Variants in NKAIN3 observed in about 807,000 individuals in gnomAD.
NKAIN3 encodes sodium/potassium transporting ATPase interacting 3, also known as sodium/potassium-transporting ATPase subunit beta-1-interacting protein 3.
In NKAIN3, 25 loss-of-function variants were observed where a neutral mutation model predicts 30.2. The observed-to-expected ratio is 0.83, with a 90% confidence interval of 0.60 to 1.16. The LOEUF is 1.16. Ranked by LOEUF, NKAIN3 falls within the 50% of genes most tolerant of loss-of-function variation. The pLI is 0.00. For synonymous variants in NKAIN3, 91 were observed against 89.6 expected (o/e 1.02, Z -0.09); for missense variants, 225 against 254.1 (o/e 0.89, Z 0.78).
chr8:62,490,233 T>C (rs553344645), intron 1 of NKAIN3, among the ~76,000 whole-genome samples: 18 of 151,002 alleles, frequency 1.2e-4, no homozygotes, highest in South Asian at 4.2e-4. Flanking sequence ...ATTCAATCAG[T>C]TGGAGGGCTG....
Position 62,742,302 on chromosome 8 carries a change from T to C in NKAIN3, c.274-4630T>C, listed in dbSNP as rs1673798781. Among the ~76,000 whole-genome samples the C allele has an allele frequency of 2.6e-5, 4 of 152,208 alleles. No individual in the cohort carries two copies. In the South Asian group the frequency reaches 6.2e-4, roughly 24 times the overall value. On this transcript the variant is annotated intron_variant, in intron 3 of 6. Transcript: ENST00000623646. ...AAAAACTAGTTAGTAAAGTTCATTA[T>C]GTAGATTTCTCTGATGCCCTCTCCA...
chr8:62,679,464 T>C (rs1813583878), intron 3 of NKAIN3, among the ~76,000 whole-genome samples: 1 of 152,176 alleles, frequency 6.6e-6, no homozygotes, highest in Non-Finnish European at 1.5e-5. Flanking sequence ...CATGTTGCCT[T>C]GAATGGTGTA....
intron 3 of NKAIN3, among the ~76,000 whole-genome samples, chr8:62,592,787 A>G (rs1319837193): frequency 1.3e-5 from 2 of 151,992 alleles, no homozygotes; most frequent in Non-Finnish European, 2.9e-5. Flanking sequence ...TAATCAGAAG[A>G]AAACCTCTGT....
chr8:62,772,805 C>T (rs1053624711), intron 4 of NKAIN3, among the ~76,000 whole-genome samples: 10 of 151,792 alleles, frequency 6.6e-5, no homozygotes, highest in African/African-American at 1.5e-4. Context: ...GGACTACAAA[C>T]GCACGCTGCC....
chr8:62,770,526 G>A (rs760147084), intron 4 of NKAIN3, among the ~76,000 whole-genome samples: 25 of 152,128 alleles, frequency 1.6e-4, no homozygotes, highest in Non-Finnish European at 3.2e-4. Context: ...ATCATCACAT[G>A]GTAGAGACAG....
At chr8:62,488,949 C>A (rs1434257236) in intron 1 of NKAIN3, among the ~76,000 whole-genome samples, 3 of 152,148 alleles carry the variant, frequency 2.0e-5, no homozygotes, top group Admixed American at 6.5e-5. Context: ...TTTATATATT[C>A]TAGCAAAATG....
chr8:62,656,932 A>G (rs1387796041), intron 3 of NKAIN3, among the ~76,000 whole-genome samples: 1 of 152,192 alleles, frequency 6.6e-6, no homozygotes, highest in African/African-American at 2.4e-5. Flanking sequence ...GATTTAAAAA[A>G]CATCTATCAT....
At chr8:62,672,129 CCAA>C (rs1301434680) in intron 3 of NKAIN3, among the ~76,000 whole-genome samples, 4 of 152,170 alleles carry the variant, frequency 2.6e-5, no homozygotes, top group Admixed American at 1.3e-4. Context: ...GCTCAGGCAA[CCAA>C]CAAGTGTCCA....
intron 1 of NKAIN3, among the ~76,000 whole-genome samples, chr8:62,502,472 T>C (rs1762332784): frequency 6.6e-6 from 1 of 152,096 alleles, no homozygotes; most frequent in African/African-American, 2.4e-5. Context: ...AGTTAACCAT[T>C]CATTCCTTCC....
intron 1 of NKAIN3, among the ~76,000 whole-genome samples, chr8:62,564,135 C>A (rs534914624): frequency 6.6e-6 from 1 of 152,218 alleles, no homozygotes; most frequent in Admixed American, 6.6e-5. Flanking sequence ...CCAACAAGTT[C>A]TCTTGGTCAG....
At chr8:62,257,667 A>G (rs1412991403) in intron 1 of NKAIN3, among the ~76,000 whole-genome samples, 4 of 152,224 alleles carry the variant, frequency 2.6e-5, no homozygotes, top group Admixed American at 2.6e-4. Context: ...TTTCTATTTC[A>G]TGAACAACAC....
chr8:62,253,657 G>A (rs1191956818), intron 1 of NKAIN3, among the ~76,000 whole-genome samples: 5 of 152,270 alleles, frequency 3.3e-5, no homozygotes, highest in African/African-American at 9.6e-5. Context: ...CAGTGGAAAC[G>A]AAGTTTAGTT....
intron 1 of NKAIN3, among the ~76,000 whole-genome samples, chr8:62,463,486 CA>C (rs1806060256): frequency 1.3e-5 from 2 of 152,176 alleles, no homozygotes; most frequent in Admixed American, 1.3e-4. Context: ...AATTTGTTAT[CA>C]AAACTCATGC....
At position 62,967,622 on chromosome 8, in the gene NKAIN3, A is replaced by C. The variant is rs950338537; in HGVS notation, c.*2215A>C. On this transcript the variant is annotated 3_prime_UTR_variant, in exon 7 of 7. Transcript: ENST00000623646. Reference sequence around the variant, plus strand: ...TTTGAAATAAACTAAAAAATGCTTTAATTTAAAAATAACATTAATATTCAA... The same window carrying C: ...TTTGAAATAAACTAAAAAATGCTTTCATTTAAAAATAACATTAATATTCAA... Among the ~76,000 whole-genome samples, 1 of 152,212 alleles carries C rather than the reference A, an allele frequency of 6.6e-6. No individual in the cohort carries two copies. The highest frequency in any genetic ancestry group is 1.5e-5 in the Non-Finnish European group (1 of 68,040).
chr8:62,634,666 C>T (rs974186151), intron 3 of NKAIN3, among the ~76,000 whole-genome samples: 1 of 152,148 alleles, frequency 6.6e-6, no homozygotes, highest in Non-Finnish European at 1.5e-5. Context: ...TCTGCAGGGA[C>T]AGCTAGGAGA....
intron 1 of NKAIN3, among the ~76,000 whole-genome samples, chr8:62,458,344 T>A (rs1226854190): frequency 1.3e-5 from 2 of 152,214 alleles, no homozygotes; most frequent in Non-Finnish European, 2.9e-5. Context: ...GCTAAGTATA[T>A]AATGTTTACA....
chr8:62,626,078 G>A (rs2130247903), intron 3 of NKAIN3, among the ~76,000 whole-genome samples: 1 of 152,126 alleles, frequency 6.6e-6, no homozygotes, highest in African/African-American at 2.4e-5. Context: ...GAGTTCTCTT[G>A]CCTCTGAGAC....
intron 1 of NKAIN3, among the ~76,000 whole-genome samples, chr8:62,391,792 T>C (rs1404632595): frequency 1.3e-5 from 2 of 151,984 alleles, no homozygotes; most frequent in East Asian, 3.8e-4. Context: ...TGAAGATGAA[T>C]GTGTGTGAAT....
At chr8:62,950,838 T>A (rs1422722575) in intron 5 of NKAIN3, among the ~76,000 whole-genome samples, 1 of 152,066 alleles carries the variant, frequency 6.6e-6, no homozygotes, top group Non-Finnish European at 1.5e-5. Context: ...AATATTACTA[T>A]TAATAGTTGT....
Sources: allele counts gnomAD v4.1 joint callset (sites outside exome capture counted in the v4.1 genomes callset), GRCh38; gene constraint gnomAD v4.1.1; transcripts MANE v1.5; gene names NCBI Gene and HGNC (gene_info 2026-07-23, HGNC 2026-07-21).